ATG16L1: variants seen among roughly 807,000 people sequenced by gnomAD.
ATG16L1 encodes the protein autophagy related 16 like 1, also known as autophagy-related protein 16-1.
ATG16L1 carries 37 observed loss-of-function variants against 88.5 expected under a neutral mutation model. That is an observed-to-expected ratio of 0.42 (90% confidence interval 0.32 to 0.55). ATG16L1 has a LOEUF of 0.55. Among genes scored for constraint, ATG16L1 ranks in the 20% least tolerant of loss-of-function variants. The probability of loss-of-function intolerance (pLI) is 0.13; values close to 1 mark genes in which losing one functional copy is unlikely to be tolerated. For missense variants in ATG16L1, 554 were observed against 752.8 expected, an observed-to-expected ratio of 0.74 and a Z score of 3.09; for synonymous variants, 301 against 281.0, an observed-to-expected ratio of 1.07 and a Z score of -0.71.
intron 2 of ATG16L1, among the ~76,000 whole-genome samples, chr2:233,259,750 T>C (rs1411531776): frequency 6.6e-6 from 1 of 152,196 alleles, no homozygotes; most frequent in Non-Finnish European, 1.5e-5. Context: ...TTCTTCCCTC[T>C]AGATCTTCCC....
At chr2:233,291,631 C>T (rs557814286) in intron 14 of ATG16L1, among the ~76,000 whole-genome samples, 26 of 152,200 alleles carry the variant, frequency 1.7e-4, no homozygotes, top group African/African-American at 5.8e-4. Flanking sequence ...GAGGGAGGTG[C>T]GTAGGGCCGT....
At position 233,273,049 on chromosome 2, in the gene ATG16L1, C is replaced by T. The variant is rs1362051933; in HGVS notation, c.791C>T (p.Ala264Val). 1 of 1,613,792 alleles carries T rather than the reference C, an allele frequency of 6.2e-7. No homozygotes were observed. Among genetic ancestry groups the T allele is most frequent in the Middle Eastern group, 1.7e-4 (1 of 6,060 alleles). ...CCTGTGCGAGCCATCAGCAGAGCAG[C>T]CACGTAAGTAGGCAGGTTTGGGCCA... The part of the protein sequence containing the change: ...TSPVRAISRA[A>V]TKRLSQPAGG... The change falls in exon 7 of 18, where the codon GCC becomes GTC. Residue 264 changes from alanine (A) to valine (V), a missense_variant. Coordinates refer to ENST00000392017, the MANE Select transcript of ATG16L1 (RefSeq NM_030803.7).
intron 1 of ATG16L1, 50 bp downstream of exon 1, chr2:233,251,992 G>A (rs562363274): frequency 9.3e-5 from 132 of 1,425,686 alleles, no homozygotes; most frequent in African/African-American, 4.9e-4. Context: ...GCCCCGCGGA[G>A]GCATGCGGGG....
chr2:233,282,743 A>G lies in ATG16L1; in HGVS notation c.1193A>G (p.Tyr398Cys). The G allele has an allele frequency of 1.2e-6, 2 of 1,614,036 alleles. No homozygotes were observed. Among genetic ancestry groups the G allele is most frequent in the South Asian group, 1.1e-5 (1 of 91,084 alleles). ...FASRIWTVDD[Y>C]RLRHTLTGHS... ...AGCCGAATCTGGACTGTGGATGATT[A>G]TCGATTACGGGTAAGACCCAGTTAA... is the stretch of plus-strand genomic sequence containing the variant. The change falls in exon 12 of 18, where the codon TAT (tyrosine) becomes TGT (cysteine). Residue 398 changes from tyrosine (Y) to cysteine (C), a missense_variant. Physicochemically the swap from Tyr to Cys is radical, Grantham distance 194 (BLOSUM62 -2). Coordinates refer to ENST00000392017, the MANE Select transcript of ATG16L1 (RefSeq NM_030803.7).
intron 9 of ATG16L1, among the ~76,000 whole-genome samples, chr2:233,276,935 A>G (rs575708085): frequency 1.3e-5 from 2 of 152,342 alleles, no homozygotes; most frequent in East Asian, 3.9e-4. Context: ...AACAGGCACC[A>G]TTCTGGGTTG....
In ATG16L1 at chr2:233,273,042, A is replaced by G. The variant is rs777056344; in HGVS notation, c.784A>G (p.Arg262Gly). The change falls in exon 7 of 18, where the codon AGA becomes GGA. Residue 262 changes from arginine (R) to glycine (G), a missense_variant. Around this residue, in one of 5 missense-constraint regions of ATG16L1, gnomAD observed 370 missense variants for 509.7 expected, o/e 0.73. Coordinates refer to ENST00000392017, the MANE Select transcript of ATG16L1 (RefSeq NM_030803.7). ...EETSPVRAIS[R>G]AATKRLSQPA... Reference sequence around the variant, plus strand: ...GACCTCTCCTGTGCGAGCCATCAGCAGAGCAGCCACGTAAGTAGGCAGGTT... The same window carrying G: ...GACCTCTCCTGTGCGAGCCATCAGCGGAGCAGCCACGTAAGTAGGCAGGTT... The G allele has an allele frequency of 1.2e-6, 2 of 1,614,098 alleles. No homozygotes were observed. The highest frequency in any genetic ancestry group is 2.2e-5 in the South Asian group (2 of 91,086).
At position 233,251,714 on chromosome 2, in the gene ATG16L1, G is replaced by A; in HGVS notation, c.-114G>A. On this transcript the variant is annotated 5_prime_UTR_variant, in exon 1 of 18. It adds an upstream start codon to the 5' untranslated region. Coordinates refer to ENST00000392017, the MANE Select transcript of ATG16L1 (RefSeq NM_030803.7). ...CCTCGGGGACTGCCAGTGTGTGGAG[G>A]TGAGCTCCGGGATTGCCGGCATTCC... is the stretch of plus-strand genomic sequence containing the variant. 2 of 923,724 alleles carry A rather than the reference G, an allele frequency of 2.2e-6. No homozygotes were observed. The highest frequency in any genetic ancestry group is 5.4e-5 in the East Asian group (2 of 37,102). The allele number at this position is 923,724 out of a possible 1,614,324, so 57.2% of individuals were successfully genotyped here. A position where few individuals can be genotyped will look rare whatever the true frequency, so the allele number is the denominator to read the frequency against.
At chr2:233,282,911 C>T in intron 12 of ATG16L1, 158 bp downstream of exon 12, 1 of 624,630 alleles carries the variant, frequency 1.6e-6, no homozygotes, top group Non-Finnish European at 2.9e-6. Flanking sequence ...TCTGTGTTTC[C>T]ACTTTATACT....
At chr2:233,268,603 G>A (rs377344828) in intron 5 of ATG16L1, among the ~76,000 whole-genome samples, 31 of 152,316 alleles carry the variant, frequency 2.0e-4, no homozygotes, top group Middle Eastern at 6.8e-3. Flanking sequence ...ATTTCAGACA[G>A]TCAACAAGTG....
chr2:233,281,013 A>C, intron 10 of ATG16L1, 92 bp from the exon 11 acceptor site: 1 of 738,776 alleles, frequency 1.4e-6, no homozygotes, highest in Non-Finnish European at 2.2e-6. Flanking sequence ...TTAGCAGTGT[A>C]ATTGGCTTCC....
intron 2 of ATG16L1, among the ~76,000 whole-genome samples, chr2:233,260,835 T>C (rs548778070): frequency 7.2e-5 from 11 of 152,200 alleles, no homozygotes; most frequent in Non-Finnish European, 1.5e-4. Context: ...CTTTAGTTCC[T>C]CTTTGGAAAC....
intron 1 of ATG16L1, among the ~76,000 whole-genome samples, chr2:233,253,771 G>A (rs1480738312): frequency 2.6e-5 from 4 of 152,198 alleles, no homozygotes; most frequent in Admixed American, 1.3e-4. Flanking sequence ...GAAGAAAGAG[G>A]ATGCTTTGCT....
At chr2:233,260,888 C>T (rs1317174939) in intron 2 of ATG16L1, among the ~76,000 whole-genome samples, 2 of 152,306 alleles carry the variant, frequency 1.3e-5, no homozygotes, top group African/African-American at 2.4e-5. Flanking sequence ...AAATCTTTGC[C>T]TCTGAACATG....
chr2:233,278,569 A>G (rs1574881085), intron 10 of ATG16L1, among the ~76,000 whole-genome samples: 2 of 152,226 alleles, frequency 1.3e-5, no homozygotes, highest in African/African-American at 4.8e-5. Context: ...CTCAGATACT[A>G]CGTGATTTAC....
chr2:233,274,072 T>A, intron 8 of ATG16L1: 2 of 1,540,234 alleles, frequency 1.3e-6, no homozygotes, highest in Non-Finnish European at 1.8e-6. Context: ...TAGTCCAGCA[T>A]GTGAGTGTGG....
chr2:233,253,331 G>GGTTTTTTT (rs1216720318), intron 1 of ATG16L1, among the ~76,000 whole-genome samples: 4 of 102,826 alleles, frequency 3.9e-5, no homozygotes, highest in Admixed American at 2.8e-4. Flanking sequence ...GGTGAGACTG[G>GGTTTTTTT]GTTTTTTTGT....
rs530145512 is a variant in ATG16L1, at chr2:233,274,097, T to C, written c.851+320T>C. 29 of 1,483,300 alleles carry C rather than the reference T, an allele frequency of 2.0e-5. No individual in the cohort carries two copies. In the South Asian group the frequency reaches 2.7e-4, roughly 14 times the overall value. 91.9% of individuals were successfully genotyped at this position (1,483,300 alleles called of 1,614,324 possible). ...TGTGAGTGTGGGTCCTTAACAATTA[T>C]GCCAATCACCGCTTCACTGCCCTCA... On this transcript the variant is annotated intron_variant, in intron 8 of 17. Coordinates refer to ENST00000392017, the MANE Select transcript of ATG16L1 (RefSeq NM_030803.7).
chr2:233,276,340 T>C (rs77449543), intron 9 of ATG16L1, among the ~76,000 whole-genome samples: 63 of 152,296 alleles, frequency 4.1e-4, no homozygotes, highest in African/African-American at 1.4e-3. Flanking sequence ...TTTCCAAACA[T>C]ACGCAGTATC....
At chr2:233,293,408 G>T in intron 17 of ATG16L1, 51 bp downstream of exon 17, 1 of 1,515,158 alleles carries the variant, frequency 6.6e-7, no homozygotes, top group South Asian at 1.1e-5. Flanking sequence ...CAAGGCCTTT[G>T]ACTTCATCTC....
Sources: gnomAD v4.1 joint callset for allele counts (sites outside exome capture counted in the v4.1 genomes callset) on GRCh38, gnomAD v4.1.1 for gene constraint, gnomAD v4.1.1 regional missense constraint, MANE v1.5 for transcripts, NCBI Gene and HGNC (gene_info 2026-07-23, HGNC 2026-07-21) for gene names.